The following FOXN3 variants were observed in gnomAD, a reference collection of about 807,000 sequenced individuals.
FOXN3 encodes the protein forkhead box protein N3.
Under a neutral mutation model 38.4 loss-of-function variants are expected in FOXN3, and 7 were observed. The ratio of observed to expected loss-of-function variants is 0.18; its 90% CI spans 0.10 to 0.34. The LOEUF (loss-of-function observed/expected upper bound fraction) is 0.34, where lower values mean the gene tolerates loss of function less well. FOXN3 is among the 10% of genes least tolerant of loss of function. FOXN3 has a pLI of 1.00. For synonymous variants in FOXN3, 230 were observed against 242.2 expected (o/e 0.95, Z 0.47); for missense variants, 456 against 613.4 (o/e 0.74, Z 2.71).
chr14:89,459,898 T>G (rs1369280700), intron 1 of FOXN3, among the ~76,000 whole-genome samples: 1 of 152,024 alleles, frequency 6.6e-6, no homozygotes, highest in East Asian at 1.9e-4. Context: ...GGTACATATG[T>G]GCGTGGGATG....
rs576883864 is a variant in FOXN3 at position 89,446,087 on chromosome 14, C to CAAAAAAAAAAAAAAAAAAAAAAA, written c.-14-33620_-14-33598dup. ...TGGGTAACAGAGCGAGACCCTGCCT[C>CAAAAAAAAAAAAAAAAAAAAAAA]AAAAAAAAAAAAAAAAAAAAAAAAT... On this transcript the variant is annotated intron_variant, in intron 1 of 6. Transcript: ENST00000345097. Among the ~76,000 whole-genome samples, 19 of 40,112 alleles carry CAAAAAAAAAAAAAAAAAAAAAAA rather than the reference C, an allele frequency of 4.7e-4. 3 individuals carry two copies. The highest frequency in any genetic ancestry group is 6.8e-4 in the Non-Finnish European group (15 of 22,088). The allele number at this position is 40,112 out of a possible 152,430, so 26.3% of individuals were successfully genotyped here. A position where few individuals can be genotyped will look rare whatever the true frequency, so the allele number is the denominator to read the frequency against.
At chr14:89,458,819 G>C (rs1025460063) in intron 1 of FOXN3, among the ~76,000 whole-genome samples, 4 of 152,020 alleles carry the variant, frequency 2.6e-5, no homozygotes, top group Non-Finnish European at 5.9e-5. Flanking sequence ...CACAAGTTTT[G>C]GCCAGTCCTG....
At chr14:89,453,120 A>C (rs1291907869) in intron 1 of FOXN3, among the ~76,000 whole-genome samples, 1 of 152,036 alleles carries the variant, frequency 6.6e-6, no homozygotes, top group Non-Finnish European at 1.5e-5. Flanking sequence ...AATCACTTGA[A>C]CCTGGGAGGC....
chr14:89,237,984 G>C (rs1192256560), intron 4 of FOXN3, among the ~76,000 whole-genome samples: 1 of 152,168 alleles, frequency 6.6e-6, no homozygotes, highest in East Asian at 1.9e-4. Context: ...ATGAATATGG[G>C]GAAGTCAGTA....
chr14:89,590,741 C>T (rs1480251509), intron 1 of FOXN3, among the ~76,000 whole-genome samples: 3 of 152,156 alleles, frequency 2.0e-5, no homozygotes, highest in Non-Finnish European at 2.9e-5. Flanking sequence ...CCCCTCTCCC[C>T]GAGAGTCAGC....
chr14:89,340,289 T>C (rs907453125), intron 3 of FOXN3, among the ~76,000 whole-genome samples: 1 of 152,160 alleles, frequency 6.6e-6, no homozygotes, highest in South Asian at 2.1e-4. Context: ...TAAACAGACT[T>C]TGACCAAAAC....
chr14:89,498,157 C>T (rs1204703158), intron 1 of FOXN3, among the ~76,000 whole-genome samples: 2 of 148,764 alleles, frequency 1.3e-5, no homozygotes, highest in Non-Finnish European at 3.0e-5. Context: ...ATCAAATATA[C>T]GATTTGCAAG....
intron 1 of FOXN3, among the ~76,000 whole-genome samples, chr14:89,459,823 CA>C (rs1165199574): frequency 6.6e-6 from 1 of 152,162 alleles, no homozygotes; most frequent in Non-Finnish European, 1.5e-5. Flanking sequence ...AGAATCCCCC[CA>C]CCGAGGGCAA....
chr14:89,213,754 G>C (rs1884175920), intron 4 of FOXN3, among the ~76,000 whole-genome samples: 2 of 152,148 alleles, frequency 1.3e-5, no homozygotes, highest in South Asian at 4.1e-4. Context: ...TTGTCCTGGG[G>C]GAGGCAGTAA....
chr14:89,617,338 A>G (rs1026226585), intron 1 of FOXN3, among the ~76,000 whole-genome samples: 1 of 152,236 alleles, frequency 6.6e-6, no homozygotes, highest in Non-Finnish European at 1.5e-5. Context: ...ATGGTGCAGA[A>G]TGCCCTTCCT....
rs139426973 is a variant in FOXN3, at chr14:89,349,565, G to A, written c.680+1107C>T. 5.8e-3 allele frequency: 887 copies of A among 152,724 alleles called. 13 individuals are homozygous for A. Among genetic ancestry groups the A allele is most frequent in the Non-Finnish European group, 4.0e-3 (272 of 68,024 alleles). The allele number at this position is 152,724 out of a possible 1,614,324, so 9.5% of individuals were successfully genotyped here. A position where few individuals can be genotyped will look rare whatever the true frequency, so the allele number is the denominator to read the frequency against. On this transcript the variant is annotated intron_variant, in intron 3 of 5. Coordinates refer to ENST00000557258, the MANE Select transcript of FOXN3 (RefSeq NM_005197.4). ...CTCGGCTACGCGTTACTATGGAGAC[G>A]CTCCAGTTGCTATGGGTACCATCAC...
At chr14:89,201,658 G>A (rs1395605677) in intron 4 of FOXN3, among the ~76,000 whole-genome samples, 2 of 152,170 alleles carry the variant, frequency 1.3e-5, no homozygotes, top group Non-Finnish European at 2.9e-5. Context: ...AGGGGCCTGG[G>A]CACGGCCAGC....
chr14:89,526,382 G>C (rs1894432919), intron 1 of FOXN3, among the ~76,000 whole-genome samples: 1 of 152,096 alleles, frequency 6.6e-6, no homozygotes, highest in African/African-American at 2.4e-5. Context: ...CTACAGAAAA[G>C]ATCCTAGAAC....
chr14:89,288,660 G>GC (rs1566947472), intron 3 of FOXN3, among the ~76,000 whole-genome samples: 2 of 43,924 alleles, frequency 4.6e-5, no homozygotes, highest in African/African-American at 1.3e-4. Flanking sequence ...GGCTGTAATA[G>GC]GCACTCTCTT....
intron 1 of FOXN3, among the ~76,000 whole-genome samples, chr14:89,501,106 G>A (rs1191286686): frequency 1.3e-5 from 2 of 152,210 alleles, no homozygotes; most frequent in Non-Finnish European, 2.9e-5. Flanking sequence ...AGCCATCGAG[G>A]AAGTGGTAAG....
intron 3 of FOXN3, among the ~76,000 whole-genome samples, chr14:89,286,174 A>T (rs1444426614): frequency 1.4e-5 from 2 of 144,540 alleles, no homozygotes; most frequent in Non-Finnish European, 3.0e-5. Flanking sequence ...TAGGGAGGGG[A>T]GGAGGGAGAG....
At chr14:89,611,877 T>A (rs1896401527) in intron 1 of FOXN3, among the ~76,000 whole-genome samples, 2 of 150,642 alleles carry the variant, frequency 1.3e-5, no homozygotes, top group Admixed American at 1.3e-4. Context: ...AATGGTCAGA[T>A]GTGAGAACAC....
chr14:89,553,537 G>A (rs1895053693), intron 1 of FOXN3, among the ~76,000 whole-genome samples: 1 of 151,786 alleles, frequency 6.6e-6, no homozygotes, highest in South Asian at 2.1e-4. Context: ...TCCTGATGAA[G>A]CAGGAAGGCA....
At chr14:89,415,032 A>T (rs1596261644) in intron 1 of FOXN3, among the ~76,000 whole-genome samples, 1 of 152,184 alleles carries the variant, frequency 6.6e-6, no homozygotes, top group African/African-American at 2.4e-5. Context: ...GATACAACAG[A>T]GTCTGGTCTG....
Sources: allele counts gnomAD v4.1 joint callset (sites outside exome capture counted in the v4.1 genomes callset), GRCh38; gene constraint gnomAD v4.1.1; transcripts MANE v1.5; gene names NCBI Gene and HGNC (gene_info 2026-07-23, HGNC 2026-07-21).